CUL4B: variants seen among roughly 807,000 people sequenced by gnomAD.
CUL4B encodes cullin-4B.
CUL4B carries 1 observed loss-of-function variant against 69.2 expected under a neutral mutation model. The ratio of observed to expected loss-of-function variants is 0.01; its 90% CI spans 0.01 to 0.07. CUL4B has a LOEUF of 0.07. CUL4B is among the 10% of genes least tolerant of loss of function. The probability of loss-of-function intolerance (pLI) is 1.00; values close to 1 mark genes in which losing one functional copy is unlikely to be tolerated. For missense variants in CUL4B, 328 were observed against 638.8 expected (o/e 0.51, Z 5.24); for synonymous variants, 237 against 223.2 (o/e 1.06, Z -0.55).
At position 120,538,803 on chromosome X, in the gene CUL4B, T is replaced by A. The variant is rs972795719; in HGVS notation, c.1742-33A>T. 6.1e-6 allele frequency: 6 copies of A among 988,059 alleles called. No individual in the cohort carries two copies. In the African/African-American group the frequency reaches 7.5e-5, roughly 12 times the overall value. The allele number at this position is 988,059 out of a possible 1,213,427, so 81.4% of individuals were successfully genotyped here. On this transcript the variant is annotated intron_variant, in intron 12 of 19. Transcript: ENST00000371322. Reference sequence around the variant, plus strand: ...AAAAGAAATGCAAAATTTATAATATTCCAATAAAAAGTACTGACAAAACTG... The same window carrying A: ...AAAAGAAATGCAAAATTTATAATATACCAATAAAAAGTACTGACAAAACTG...
intron 1 of CUL4B, chrX:120,559,844 G>A: frequency 8.8e-7 from 1 of 1,134,469 alleles, no homozygotes; most frequent in South Asian, 2.0e-5. Context: ...AAATACAATA[G>A]GTTGAAAAAG....
At chrX:120,547,968 G>A (rs894524916) in intron 2 of CUL4B, among the ~76,000 whole-genome samples, 2 of 110,684 alleles carry the variant, frequency 1.8e-5, no homozygotes, top group African/African-American at 6.6e-5. Flanking sequence ...TCAGCTTGCA[G>A]ACAGCCTATT....
intron 1 of CUL4B, chrX:120,559,629 A>G: frequency 3.5e-6 from 1 of 286,370 alleles, no homozygotes; most frequent in Non-Finnish European, 6.2e-6. Context: ...TATAAATCTT[A>G]TTTGAGCATA....
Position 120,540,476 on chromosome X carries a change from A to G in CUL4B, c.1530T>C (p.His510=). 1 of 1,200,819 alleles carries G rather than the reference A, an allele frequency of 8.3e-7. No individual in the cohort carries two copies. Among genetic ancestry groups the G allele is most frequent in the Non-Finnish European group, 1.1e-6 (1 of 885,907 alleles). Residue 510 remains histidine (H), a synonymous_variant, in exon 11 of 20, where the codon CAT becomes CAC. Coordinates refer to ENST00000371322, the MANE Select transcript of CUL4B (RefSeq NM_001079872.2). The part of the protein sequence containing the change: ...ELLDFKDKVD[H]IIDICFLKNE... ...TCTTCAGAAAGCAGATATCAATTATATGGTCAACCTTATCTTTAAAATCCA... is the reference window on the plus strand; with the variant it reads ...TCTTCAGAAAGCAGATATCAATTATGTGGTCAACCTTATCTTTAAAATCCA...
intron 18 of CUL4B, among the ~76,000 whole-genome samples, chrX:120,531,276 C>T (rs1248589364): frequency 2.8e-5 from 3 of 107,331 alleles, no homozygotes; most frequent in African/African-American, 1.0e-4. Context: ...GAGCCAAGAT[C>T]GTGCCACTGA....
intron 1 of CUL4B, chrX:120,574,644 CAG>C (rs1925815993): frequency 8.8e-7 from 1 of 1,130,855 alleles, no homozygotes; most frequent in Non-Finnish European, 1.2e-6. Context: ...CGATAGAAAA[CAG>C]AGAATTCACT....
At chrX:120,558,066 C>A (rs1486263784) in intron 1 of CUL4B, 27 bp from the exon 2 acceptor site, 2 of 908,381 alleles carry the variant, frequency 2.2e-6, no homozygotes, top group Non-Finnish European at 3.2e-6. Flanking sequence ...AGGTTGGCAT[C>A]AGAATACCAT....
chrX:120,538,366 T>C (rs1478121079), intron 13 of CUL4B, 157 bp from the exon 14 acceptor site: 9 of 430,486 alleles, frequency 2.1e-5, no homozygotes, highest in South Asian at 8.1e-5. Context: ...GTATGCCCCA[T>C]TAATTCAGAG....
At chrX:120,568,526 T>TATTCCCACCAA (rs767739503), downstream of CUL4B, among the ~76,000 whole-genome samples, 22 of 112,010 alleles carry the variant, frequency 2.0e-4, no homozygotes, top group Non-Finnish European at 3.8e-4. Flanking sequence ...AAATGTCCTT[T>TATTCCCACCAA]ATTCCCACCA....
Position 120,536,019 on chromosome X carries a change from G to A in CUL4B, c.2047-76C>T, listed in dbSNP as rs1018767848. 30 of 746,808 alleles carry A rather than the reference G, an allele frequency of 4.0e-5. No individual in the cohort carries two copies. In the South Asian group the frequency reaches 6.4e-4, roughly 16 times the overall value. 61.5% of individuals were successfully genotyped at this position (746,808 alleles called of 1,213,427 possible). ...TTTACCATTTTTATACTTACCTCATGTGATATAGTTTCTGGAAAATTTTAA... is the reference window on the plus strand; with the variant it reads ...TTTACCATTTTTATACTTACCTCATATGATATAGTTTCTGGAAAATTTTAA... On this transcript the variant is annotated intron_variant, in intron 15 of 19. Coordinates refer to ENST00000371322, the MANE Select transcript of CUL4B (RefSeq NM_001079872.2).
At chrX:120,570,323 C>G (rs1422028746), downstream of CUL4B, among the ~76,000 whole-genome samples, 1 of 112,228 alleles carries the variant, frequency 8.9e-6, no homozygotes, top group African/African-American at 3.2e-5. Flanking sequence ...TTCAGATAAA[C>G]TACAGCAGGG....
At chrX:120,541,917 G>A (rs1924012932) in intron 9 of CUL4B, among the ~76,000 whole-genome samples, 197 bp from the exon 10 acceptor site, 1 of 109,913 alleles carries the variant, frequency 9.1e-6, no homozygotes, top group Non-Finnish European at 1.9e-5. Flanking sequence ...ACTAAATATA[G>A]AGACTTTAGT....
intron 2 of CUL4B, among the ~76,000 whole-genome samples, chrX:120,550,785 C>G (rs1924642245): frequency 8.9e-6 from 1 of 111,768 alleles, no homozygotes; most frequent in Non-Finnish European, 1.9e-5. Flanking sequence ...CCTCAACAAC[C>G]TTCCATCAAG....
At chrX:120,538,817 C>G in intron 12 of CUL4B, 47 bp from the exon 13 acceptor site, 1 of 828,325 alleles carries the variant, frequency 1.2e-6, no homozygotes. Flanking sequence ...ATAAAAAGTA[C>G]TGACAAAACT....
At chrX:120,527,451 G>A (rs187393119) in intron 19 of CUL4B, among the ~76,000 whole-genome samples, 16 of 108,514 alleles carry the variant, frequency 1.5e-4, no homozygotes, top group East Asian at 2.9e-4. Flanking sequence ...TTGCTATGTC[G>A]CCCAGGCTGA....
intron 17 of CUL4B, among the ~76,000 whole-genome samples, chrX:120,532,844 G>A (rs1483960785): frequency 9.0e-6 from 1 of 111,158 alleles, no homozygotes; most frequent in Non-Finnish European, 1.9e-5. Flanking sequence ...TGATCCACCC[G>A]CCTTGGCCTC....
At chrX:120,543,172 G>A (rs1052271332) in intron 8 of CUL4B, 139 bp from the exon 9 acceptor site, 4 of 442,266 alleles carry the variant, frequency 9.0e-6, no homozygotes, top group African/African-American at 7.5e-5. Context: ...TAAATTTATT[G>A]GTGCTCAGAG....
rs755137297 is a variant in CUL4B, at chrX:120,525,202, C to T, written c.*1559G>A. The T allele has an allele frequency of 1.8e-5, 2 of 111,584 alleles. No homozygotes were observed. The highest frequency in any genetic ancestry group is 6.5e-5 in the African/African-American group (2 of 30,652). The allele number at this position is 111,584 out of a possible 1,213,427, so 9.2% of individuals were successfully genotyped here. A position where few individuals can be genotyped will look rare whatever the true frequency, so the allele number is the denominator to read the frequency against. ...ATAGACGACTTTTTAAAATACCTGG[C>T]CACAGGTCTTTGAGAACTCAAGCAA... On this transcript the variant is annotated 3_prime_UTR_variant, in exon 20 of 20. Coordinates refer to ENST00000371322, the MANE Select transcript of CUL4B (RefSeq NM_001079872.2).
In CUL4B at chrX:120,524,493, G is replaced by GT. The variant is rs1922864725; in HGVS notation, c.*2267dup. On this transcript the variant is annotated 3_prime_UTR_variant, in exon 20 of 20. Transcript: ENST00000371322. ...AAAACCATTACAAAATTTTTAAAAAGTTTAAAAATAACAAAATCAACAAAT... is the reference window on the plus strand; with the variant it reads ...AAAACCATTACAAAATTTTTAAAAAGTTTTAAAAATAACAAAATCAACAAAT... 1 of 111,717 alleles carries GT rather than the reference G, an allele frequency of 9.0e-6. No individual in the cohort carries two copies. The highest frequency in any genetic ancestry group is 1.9e-5 in the Non-Finnish European group (1 of 53,109). The allele number at this position is 111,717 out of a possible 1,213,427, so 9.2% of individuals were successfully genotyped here.
Sources: gnomAD v4.1 joint callset for allele counts (sites outside exome capture counted in the v4.1 genomes callset) on GRCh38, gnomAD v4.1.1 for gene constraint, MANE v1.5 for transcripts, NCBI Gene and HGNC (gene_info 2026-07-23, HGNC 2026-07-21) for gene names.